MOB1A: variants seen among roughly 807,000 people sequenced by gnomAD.
MOB1A encodes MOB1 Mps One Binder homolog A.
Under a neutral mutation model 25.1 loss-of-function variants are expected in MOB1A, and 10 were observed. That is an observed-to-expected ratio of 0.40 (90% CI 0.25 to 0.68). The LOEUF is 0.68. Among genes scored for constraint, MOB1A ranks in the 30% least tolerant of loss-of-function variants. MOB1A has a pLI of 0.40. For missense variants in MOB1A, 177 were observed against 256.3 expected, an observed-to-expected ratio of 0.69 and a Z score of 2.11; for synonymous variants, 81 against 79.5, an observed-to-expected ratio of 1.02 and a Z score of -0.10.
chr2:74,178,685 C>A lies in MOB1A; in HGVS notation c.-11G>T. On this transcript the variant is annotated 5_prime_UTR_variant, in exon 1 of 6. Coordinates refer to ENST00000396049, the MANE Select transcript of MOB1A (RefSeq NM_018221.5). ...CAAGAGGAAGCTCATCTTCGGTCCTCAGAGGGGAGGCGAGGGGCCCCTGGC... is the reference window on the plus strand; with the variant it reads ...CAAGAGGAAGCTCATCTTCGGTCCTAAGAGGGGAGGCGAGGGGCCCCTGGC... The A allele has an allele frequency of 7.5e-7, 1 of 1,336,996 alleles. No individual in the cohort carries two copies. 82.8% of individuals were successfully genotyped at this position (1,336,996 alleles called of 1,614,324 possible).
chr2:74,162,008 A>G (rs577897210), intron 4 of MOB1A, among the ~76,000 whole-genome samples: 1 of 152,324 alleles, frequency 6.6e-6, no homozygotes, highest in Non-Finnish European at 1.5e-5. Flanking sequence ...CAGAATGTAT[A>G]AATGGGCATC....
intron 4 of MOB1A, among the ~76,000 whole-genome samples, chr2:74,160,796 A>T (rs1692947072): frequency 6.6e-6 from 1 of 152,162 alleles, no homozygotes; most frequent in Admixed American, 6.5e-5. Context: ...TACATTCCTG[A>T]GAATTTTGGC....
intron 1 of MOB1A, among the ~76,000 whole-genome samples, chr2:74,176,222 G>C (rs758745076): frequency 2.6e-4 from 35 of 132,508 alleles, no homozygotes; most frequent in Non-Finnish European, 3.7e-4. Context: ...GTTGCAGTGA[G>C]CTGAGATCGC....
At chr2:74,178,634 C>T (rs374204114) in intron 1 of MOB1A, 27 bp downstream of exon 1, 7 of 1,383,360 alleles carry the variant, frequency 5.1e-6, no homozygotes, top group East Asian at 3.0e-5. Flanking sequence ...CCCGCAGGCC[C>T]GGCGCCCGCG....
In MOB1A at chr2:74,152,578, ATACTT is replaced by A. The variant is rs1233310920; in HGVS notation, c.*3985_*3989del. 2.0e-5 allele frequency: 3 copies of A among 152,228 alleles called. No homozygotes were observed. The highest frequency in any genetic ancestry group is 2.9e-5 in the Non-Finnish European group (2 of 68,038). 9.4% of individuals were successfully genotyped at this position (152,228 alleles called of 1,614,324 possible). ...TAAATAGAAATGTGTGTTGATATAC[ATACTT>A]TAATCAGTCATTTCTTGCTTTCAAT... is the stretch of plus-strand genomic sequence containing the variant. On this transcript the variant is annotated 3_prime_UTR_variant, in exon 6 of 6. Coordinates refer to ENST00000396049, the MANE Select transcript of MOB1A (RefSeq NM_018221.5).
chr2:74,158,528 GCCTGTAATT>G (rs1251185875), intron 5 of MOB1A, among the ~76,000 whole-genome samples: 1 of 152,090 alleles, frequency 6.6e-6, no homozygotes, highest in Non-Finnish European at 1.5e-5. Context: ...TGTGGCTCAG[GCCTGTAATT>G]CCAGCACTTT....
intron 2 of MOB1A, among the ~76,000 whole-genome samples, chr2:74,167,750 G>A (rs1680366370): frequency 6.6e-6 from 1 of 152,122 alleles, no homozygotes; most frequent in Non-Finnish European, 1.5e-5. Context: ...TGTTTTTGAG[G>A]TCTACAGCAT....
chr2:74,165,130 G>A, intron 4 of MOB1A, 88 bp downstream of exon 4: 1 of 1,070,748 alleles, frequency 9.3e-7, no homozygotes, highest in Non-Finnish European at 1.3e-6. Flanking sequence ...GACCAACCTG[G>A]ACAACACAGC....
Position 74,171,437 on chromosome 2 carries a change from C to T in MOB1A, c.181+1149G>A, listed in dbSNP as rs145883460. 4.1e-3 allele frequency among the ~76,000 whole-genome samples: 618 copies of T among 152,218 alleles called. 2 individuals carry two copies. The highest frequency in any genetic ancestry group is 0.014 in the African/African-American group (575 of 41,520). On this transcript the variant is annotated intron_variant, in intron 2 of 5. Transcript: ENST00000396049. ...GTTCTTGTCTTTTAGACATACCTTA[C>T]TGAAATATTTATAGATAAAACATCA...
chr2:74,167,006 A>G lies in MOB1A; in HGVS notation c.275+8T>C, dbSNP rs754676213. The G allele has an allele frequency of 6.2e-6, 10 of 1,602,386 alleles. No individual in the cohort carries two copies. In the African/African-American group the frequency reaches 1.1e-4, roughly 17 times the overall value. On this transcript the variant is annotated splice_region_variant and intron_variant, in intron 3 of 5. Transcript: ENST00000396049. ...TCCAAACACCTATATAATAGGCAGT[A>G]TATGTACCTCGGACCTGCAGACATG...
chr2:74,153,649 T>C lies in MOB1A; in HGVS notation c.*2919A>G, dbSNP rs1393768379. 4 of 152,218 alleles carry C rather than the reference T, an allele frequency of 2.6e-5. No homozygotes were observed. Among genetic ancestry groups the C allele is most frequent in the Non-Finnish European group, 5.9e-5 (4 of 68,030 alleles). The allele number at this position is 152,218 out of a possible 1,614,324, so 9.4% of individuals were successfully genotyped here. ...AACTGTTTAAAAATCTGCACATCAC[T>C]GTACAAGTGTTTTTTGAAGGCCTGA... is the stretch of plus-strand genomic sequence containing the variant. On this transcript the variant is annotated 3_prime_UTR_variant, in exon 6 of 6. Transcript: ENST00000396049.
At chr2:74,163,403 A>G (rs12613490) in intron 4 of MOB1A, among the ~76,000 whole-genome samples, 32,752 of 152,124 alleles carry the variant, frequency 0.22, 4,800 homozygotes, top group African/African-American at 0.39. Context: ...TTGGAAGGCC[A>G]AGGAAGGAGG....
In MOB1A at chr2:74,172,660, A is replaced by G; in HGVS notation, c.107T>C (p.Leu36Pro). 6.2e-7 allele frequency: 1 copy of G among 1,613,804 alleles called. No individual in the cohort carries two copies. Among genetic ancestry groups the G allele is most frequent in the East Asian group, 2.2e-5 (1 of 44,870 alleles). Reference sequence around the variant, plus strand: ...AGCTTGTCTCAGATTCCCACTTCCTAGAGTTGCTTCTGCATGTTTTAAGAG... The same window carrying G: ...AGCTTGTCTCAGATTCCCACTTCCTGGAGTTGCTTCTGCATGTTTTAAGAG... ...YELLKHAEAT[L>P]GSGNLRQAVM... The change falls in exon 2 of 6, where the codon CTA (leucine) becomes CCA (proline). Residue 36 changes from leucine (L) to proline (P), a missense_variant. Physicochemically the swap from Leu to Pro is moderately conservative, Grantham distance 98. Coordinates refer to ENST00000396049, the MANE Select transcript of MOB1A (RefSeq NM_018221.5).
At chr2:74,167,178 A>T (rs373701864) in intron 2 of MOB1A, 71 bp from the exon 3 acceptor site, 36 of 1,147,412 alleles carry the variant, frequency 3.1e-5, no homozygotes, top group Non-Finnish European at 2.0e-5. Flanking sequence ...GTTGAAGGAA[A>T]AACAGACAAT....
intron 5 of MOB1A, among the ~76,000 whole-genome samples, chr2:74,158,202 GA>G (rs11394713): frequency 9.6e-4 from 130 of 135,952 alleles, no homozygotes; most frequent in East Asian, 6.7e-3. Context: ...AAAGAGGGGG[GA>G]AAAAAAAAAA....
intron 3 of MOB1A, among the ~76,000 whole-genome samples, chr2:74,165,915 C>T (rs1693117889): frequency 6.6e-6 from 1 of 152,080 alleles, no homozygotes; most frequent in African/African-American, 2.4e-5. Context: ...TCTTTTAAAG[C>T]TTGAATAATA....
chr2:74,168,433 G>T (rs973394713), intron 2 of MOB1A, among the ~76,000 whole-genome samples: 11 of 152,194 alleles, frequency 7.2e-5, no homozygotes, highest in African/African-American at 2.7e-4. Flanking sequence ...AAGAGGCCAG[G>T]ATTTGAGACC....
chr2:74,178,849 G>C lies in MOB1A; in HGVS notation c.-175C>G, dbSNP rs967691451. The C allele has an allele frequency of 6.3e-5, 25 of 399,108 alleles. No homozygotes were observed. Among genetic ancestry groups the C allele is most frequent in the Middle Eastern group, 6.3e-4 (1 of 1,592 alleles). 24.7% of individuals were successfully genotyped at this position (399,108 alleles called of 1,614,324 possible). A position where few individuals can be genotyped will look rare whatever the true frequency, so the allele number is the denominator to read the frequency against. Reference sequence around the variant, plus strand: ...CTTTGCAAACCTCGGCGCCCGCCTTGCCCGCCTACCCCACCTCGCAGACCC... The same window carrying C: ...CTTTGCAAACCTCGGCGCCCGCCTTCCCCGCCTACCCCACCTCGCAGACCC... On this transcript the variant is annotated 5_prime_UTR_variant, in exon 1 of 6. Coordinates refer to ENST00000396049, the MANE Select transcript of MOB1A (RefSeq NM_018221.5).
At chr2:74,162,384 G>C (rs767997476) in intron 4 of MOB1A, among the ~76,000 whole-genome samples, 21 of 152,090 alleles carry the variant, frequency 1.4e-4, no homozygotes, top group Admixed American at 4.6e-4. Flanking sequence ...TGGAGGCTGA[G>C]GCACGAGAAT....
Sources: gnomAD v4.1 joint callset for allele counts (sites outside exome capture counted in the v4.1 genomes callset) on GRCh38, gnomAD v4.1.1 for gene constraint, MANE v1.5 for transcripts, NCBI Gene and HGNC (gene_info 2026-07-23, HGNC 2026-07-21) for gene names.